The following SLC9D1 variants were observed in gnomAD, a reference collection of about 807,000 sequenced individuals.
SLC9D1 encodes the protein solute carrier family 9 member D1, also known as putative LAG1-interacting protein.
the SLC9D1 span, among the ~76,000 whole-genome samples, chr13:113,508,270 G>A: frequency 6.6e-6 from 1 of 152,230 alleles, no homozygotes; most frequent in African/African-American, 2.4e-5. Flanking sequence ...AGGGCGCACA[G>A]CGAGTTAGTG....
At chr13:113,520,832 G>A in the SLC9D1 span, 8 of 879,504 alleles carry the variant, frequency 9.1e-6, no homozygotes, top group Middle Eastern at 1.0e-3. Flanking sequence ...TCTGAGCTCA[G>A]ATGGCTCAGG....
the SLC9D1 span, chr13:113,547,016 G>A: frequency 1.7e-5 from 7 of 403,930 alleles, no homozygotes; most frequent in Middle Eastern, 7.0e-4. Flanking sequence ...ACCGAGTGCC[G>A]CCTCTGTGTG....
the SLC9D1 span, among the ~76,000 whole-genome samples, chr13:113,493,973 C>G: frequency 6.6e-6 from 1 of 152,212 alleles, no homozygotes; most frequent in South Asian, 2.1e-4. Context: ...TCCAGAAATG[C>G]TGCCCTTACT....
the SLC9D1 span, among the ~76,000 whole-genome samples, chr13:113,494,190 T>C: frequency 6.6e-6 from 1 of 152,236 alleles, no homozygotes; most frequent in African/African-American, 2.4e-5. Context: ...GTTAGGTTAA[T>C]ATTTTGTTGT....
At chr13:113,501,863 G>A in the SLC9D1 span, 1 of 1,610,792 alleles carries the variant, frequency 6.2e-7, no homozygotes. Flanking sequence ...GGGACCTTCA[G>A]GACTAAATAG....
the SLC9D1 span, among the ~76,000 whole-genome samples, chr13:113,522,692 T>C: frequency 6.6e-6 from 1 of 151,974 alleles, no homozygotes; most frequent in Non-Finnish European, 1.5e-5. Flanking sequence ...GGATGCAGTG[T>C]CGTGATCTCG....
At chr13:113,502,300 G>A in the SLC9D1 span, among the ~76,000 whole-genome samples, 16,706 of 152,070 alleles carry the variant, frequency 0.11, 1,266 homozygotes, top group Admixed American at 0.24. Context: ...TGCAACCTCC[G>A]CCTCCCGGGT....
chr13:113,546,411 C>T, the SLC9D1 span, among the ~76,000 whole-genome samples: 1 of 151,892 alleles, frequency 6.6e-6, no homozygotes, highest in East Asian at 1.9e-4. This position sits in a 1 kb window ranked among gnomAD's most constrained non-coding sequence, Gnocchi z 7.1. Context: ...ATGGAGGGGG[C>T]AGCTCTGAGA....
the SLC9D1 span, among the ~76,000 whole-genome samples, chr13:113,494,104 G>A: frequency 7.2e-5 from 11 of 152,304 alleles, no homozygotes; most frequent in South Asian, 1.7e-3. Flanking sequence ...TTTCCAGGTC[G>A]GGGAATCTTT....
At chr13:113,549,261 C>A in the SLC9D1 span, among the ~76,000 whole-genome samples, 11 of 151,454 alleles carry the variant, frequency 7.3e-5, no homozygotes, top group South Asian at 2.1e-4. Flanking sequence ...CCCCCACCCC[C>A]CCGTGCAGGC....
At chr13:113,500,251 A>C in the SLC9D1 span, 1 of 662,138 alleles carries the variant, frequency 1.5e-6, no homozygotes, top group Non-Finnish European at 2.3e-6. Context: ...CCTTCCTTCT[A>C]GCAGAGATTT....
At chr13:113,510,359 T>C in the SLC9D1 span, 1 of 1,614,142 alleles carries the variant, frequency 6.2e-7, no homozygotes, top group Non-Finnish European at 8.5e-7. Context: ...TCCACGTGTC[T>C]GTCCTTGTCA....
At chr13:113,549,633 G>GGCA in the SLC9D1 span, 1 of 1,489,906 alleles carries the variant, frequency 6.7e-7, no homozygotes, top group African/African-American at 1.4e-5. Context: ...CTCGCACCTT[G>GGCA]GCAACAGAAC....
the SLC9D1 span, chr13:113,539,307 C>A: frequency 1.3e-6 from 2 of 1,587,476 alleles, no homozygotes; most frequent in Non-Finnish European, 8.6e-7. The surrounding 1 kb of genome is among the most constrained non-coding windows in gnomAD (Gnocchi z 4.8). Flanking sequence ...ATGGGGGTGA[C>A]CCTGGTGCAC....
chr13:113,524,249 C>T, the SLC9D1 span: 2 of 443,460 alleles, frequency 4.5e-6, no homozygotes, highest in Non-Finnish European at 4.5e-6. Flanking sequence ...TCAGCTTTTG[C>T]TCTATGTATT....
the SLC9D1 span, among the ~76,000 whole-genome samples, chr13:113,508,416 G>T: frequency 3.9e-5 from 6 of 152,350 alleles, no homozygotes; most frequent in African/African-American, 1.4e-4. Flanking sequence ...CAGCACGGGT[G>T]CTTCCATTGC....
At chr13:113,519,949 A>T in the SLC9D1 span, among the ~76,000 whole-genome samples, 1 of 152,220 alleles carries the variant, frequency 6.6e-6, no homozygotes, top group Non-Finnish European at 1.5e-5. Context: ...AGCTCAGGGA[A>T]GCTGTAAAGG....
At chr13:113,506,447 T>C in the SLC9D1 span, among the ~76,000 whole-genome samples, 1 of 101,500 alleles carries the variant, frequency 9.9e-6, no homozygotes, top group South Asian at 3.5e-4. Flanking sequence ...GAGCCTGTTA[T>C]AGGGGGTTTG....
At chr13:113,540,683 C>A in the SLC9D1 span, among the ~76,000 whole-genome samples, 1 of 152,224 alleles carries the variant, frequency 6.6e-6, no homozygotes, top group African/African-American at 2.4e-5. Context: ...CATTCGTAGG[C>A]TGTCTGCCCT....
Sources: allele counts gnomAD v4.1 joint callset (sites outside exome capture counted in the v4.1 genomes callset), GRCh38; gene constraint gnomAD v4.1.1; non-coding constraint Gnocchi (gnomAD v3.1); transcripts MANE v1.5; gene names NCBI Gene and HGNC (gene_info 2026-07-23, HGNC 2026-07-21).